ZNF737: variants seen among roughly 807,000 people sequenced by gnomAD.
ZNF737 encodes the protein zinc finger protein 102 (Y3).
A neutral mutation model predicts 11.7 loss-of-function variants in ZNF737; 13 were observed. That is an observed-to-expected ratio of 1.11 (90% CI 0.73 to 1.77). ZNF737 has a LOEUF of 1.77. ZNF737 is among the 40% of genes most tolerant of loss of function. The probability of loss-of-function intolerance (pLI) is 0.00; values close to 1 mark genes in which losing one functional copy is unlikely to be tolerated. For synonymous variants in ZNF737, 217 were observed against 216.2 expected (o/e 1.00, Z -0.03); for missense variants, 636 against 638.0 (o/e 1.00, Z 0.03).
chr19:20,552,429 C>A (rs782652496), intron 3 of ZNF737, 46 bp downstream of exon 3: 2 of 1,397,684 alleles, frequency 1.4e-6, no homozygotes, highest in Non-Finnish European at 1.9e-6. Flanking sequence ...GACTTTGGGA[C>A]CTCTTATCTG....
intron 1 of ZNF737, among the ~76,000 whole-genome samples, chr19:20,557,618 A>ATT (rs34710395): frequency 1.4e-5 from 2 of 144,346 alleles, no homozygotes; most frequent in Admixed American, 6.9e-5. Flanking sequence ...TTCTAGGGTA[A>ATT]TTTTTTTTTT....
In ZNF737 at chr19:20,539,341, C is replaced by T; in HGVS notation, c.*5251G>A. Reference sequence around the variant, plus strand: ...CAATTACTTGGAAACCCTGGGAAGCCCCTATAAAATACTCCCTTTGAATAC... The same window carrying T: ...CAATTACTTGGAAACCCTGGGAAGCTCCTATAAAATACTCCCTTTGAATAC... On this transcript the variant is annotated 3_prime_UTR_variant, in exon 4 of 4. Coordinates refer to ENST00000427401, the MANE Select transcript of ZNF737 (RefSeq NM_001159293.2). 3.0e-6 allele frequency: 3 copies of T among 985,052 alleles called. No individual in the cohort carries two copies. The highest frequency in any genetic ancestry group is 3.6e-6 in the Non-Finnish European group (3 of 829,840). 61.0% of individuals were successfully genotyped at this position (985,052 alleles called of 1,614,324 possible). A position where few individuals can be genotyped will look rare whatever the true frequency, so the allele number is the denominator to read the frequency against.
chr19:20,549,017 T>C (rs954339522), intron 3 of ZNF737, among the ~76,000 whole-genome samples: 4 of 139,750 alleles, frequency 2.9e-5, no homozygotes, highest in African/African-American at 8.2e-5. Context: ...TTTCAAATCA[T>C]AGAAGTGTCT....
rs1968076444 is a variant in ZNF737, at chr19:20,538,736, C to G, written c.*5856G>C. 1 of 985,268 alleles carries G rather than the reference C, an allele frequency of 1.0e-6. No individual in the cohort carries two copies. Among genetic ancestry groups the G allele is most frequent in the Non-Finnish European group, 1.2e-6 (1 of 829,928 alleles). The allele number at this position is 985,268 out of a possible 1,614,324, so 61.0% of individuals were successfully genotyped here. On this transcript the variant is annotated 3_prime_UTR_variant, in exon 4 of 4. Coordinates refer to ENST00000427401, the MANE Select transcript of ZNF737 (RefSeq NM_001159293.2). Reference sequence around the variant, plus strand: ...TGAGTGGAGGCACCACACTGCACATCAATGCTTTCCACATGCACCCAATAG... The same window carrying G: ...TGAGTGGAGGCACCACACTGCACATGAATGCTTTCCACATGCACCCAATAG...
chr19:20,531,268 G>A (rs56137304), downstream of ZNF737, among the ~76,000 whole-genome samples: 5 of 94,668 alleles, frequency 5.3e-5, no homozygotes, highest in African/African-American at 1.6e-4. Flanking sequence ...GAGAGGGGAG[G>A]GGAGAGGGGA....
Position 20,538,693 on chromosome 19 carries a change from G to C in ZNF737, c.*5899C>G, listed in dbSNP as rs1968075537. The C allele has an allele frequency of 1.0e-6, 1 of 985,260 alleles. No homozygotes were observed. The highest frequency in any genetic ancestry group is 1.7e-5 in the African/African-American group (1 of 57,228). The allele number at this position is 985,260 out of a possible 1,614,324, so 61.0% of individuals were successfully genotyped here. On this transcript the variant is annotated 3_prime_UTR_variant, in exon 4 of 4. Coordinates refer to ENST00000427401, the MANE Select transcript of ZNF737 (RefSeq NM_001159293.2). ...CAGGGGGAATTGGTATCTCTGTAAA[G>C]AGACAGTAAGGAAATGCTGAGTGGA...
chr19:20,536,090 G>A (rs184665813), downstream of ZNF737: 12 of 985,054 alleles, frequency 1.2e-5, 1 homozygote, highest in East Asian at 1.4e-3. Flanking sequence ...ATTCAATGTG[G>A]ATACAGATGA....
intron 1 of ZNF737, among the ~76,000 whole-genome samples, chr19:20,562,398 C>A (rs1350630084): frequency 6.7e-6 from 1 of 149,370 alleles, no homozygotes; most frequent in African/African-American, 2.5e-5. Context: ...CTAGAGTGCA[C>A]TGGTGTGATC....
At chr19:20,565,611 C>G in intron 1 of ZNF737, 27 bp downstream of exon 1, 1 of 1,614,188 alleles carries the variant, frequency 6.2e-7, no homozygotes, top group Non-Finnish European at 8.5e-7. Flanking sequence ...ATCCCCCTCT[C>G]TCGGGATGTC....
chr19:20,555,905 T>G (rs562818644), intron 1 of ZNF737, among the ~76,000 whole-genome samples: 2 of 152,072 alleles, frequency 1.3e-5, no homozygotes, highest in East Asian at 3.9e-4. Context: ...TACACCTGAA[T>G]CTTGAGAATA....
chr19:20,557,618 ATTT>A (rs34710395), intron 1 of ZNF737, among the ~76,000 whole-genome samples: 63,683 of 144,276 alleles, frequency 0.44, 15,158 homozygotes, highest in African/African-American at 0.66. Flanking sequence ...TTCTAGGGTA[ATTT>A]TTTTTTTTTT....
intron 3 of ZNF737, among the ~76,000 whole-genome samples, chr19:20,546,316 G>T (rs1438017445): frequency 1.3e-5 from 2 of 152,100 alleles, no homozygotes; most frequent in East Asian, 3.9e-4. Flanking sequence ...TTTCCAGTCG[G>T]ATGCAGTCGC....
chr19:20,539,471 G>A lies in ZNF737; in HGVS notation c.*5121C>T, dbSNP rs1555754647. On this transcript the variant is annotated 3_prime_UTR_variant, in exon 4 of 4. Transcript: ENST00000427401. ...TCATCTGGCCATTTCTGTAAGTACGGCAATTATGCGAAGCCATTGAAAAAA... is the reference window on the plus strand; with the variant it reads ...TCATCTGGCCATTTCTGTAAGTACGACAATTATGCGAAGCCATTGAAAAAA... 3.0e-6 allele frequency: 3 copies of A among 985,182 alleles called. No individual in the cohort carries two copies. Among genetic ancestry groups the A allele is most frequent in the Non-Finnish European group, 3.6e-6 (3 of 829,928 alleles). The allele number at this position is 985,182 out of a possible 1,614,324, so 61.0% of individuals were successfully genotyped here.
In ZNF737 at chr19:20,538,886, A is replaced by T. The variant is rs1968085303; in HGVS notation, c.*5706T>A. 1.0e-6 allele frequency: 1 copy of T among 983,228 alleles called. No homozygotes were observed. The highest frequency in any genetic ancestry group is 1.8e-5 in the African/African-American group (1 of 55,316). 60.9% of individuals were successfully genotyped at this position (983,228 alleles called of 1,614,324 possible). A position where few individuals can be genotyped will look rare whatever the true frequency, so the allele number is the denominator to read the frequency against. On this transcript the variant is annotated 3_prime_UTR_variant, in exon 4 of 4. Transcript: ENST00000427401. ...TTATACATTTGCTTTTTTGAAAAAC[A>T]AATCTTTTGTTAATTCACTCTAAAT...
chr19:20,531,824 AT>A (rs1967836010), downstream of ZNF737, among the ~76,000 whole-genome samples: 3 of 150,226 alleles, frequency 2.0e-5, no homozygotes, highest in South Asian at 6.5e-4. Flanking sequence ...ACATCTAGAT[AT>A]AAATATACAT....
In ZNF737 at chr19:20,539,665, T is replaced by C; in HGVS notation, c.*4927A>G. ...TACAGTATAGTAGAATCCTCTATAA[T>C]TAGAAGTTAATTATTTATAAATTCA... is the stretch of plus-strand genomic sequence containing the variant. On this transcript the variant is annotated 3_prime_UTR_variant, in exon 4 of 4. Transcript: ENST00000427401. The C allele has an allele frequency of 1.1e-6, 1 of 935,302 alleles. No individual in the cohort carries two copies. The highest frequency in any genetic ancestry group is 1.3e-6 in the Non-Finnish European group (1 of 784,392). The allele number at this position is 935,302 out of a possible 1,614,324, so 57.9% of individuals were successfully genotyped here. A position where few individuals can be genotyped will look rare whatever the true frequency, so the allele number is the denominator to read the frequency against.
Position 20,542,133 on chromosome 19 carries a change from G to T in ZNF737, c.*2459C>A. The T allele has an allele frequency of 4.1e-6, 4 of 985,214 alleles. No individual in the cohort carries two copies. In the South Asian group the frequency reaches 1.4e-4, roughly 35 times the overall value. 61.0% of individuals were successfully genotyped at this position (985,214 alleles called of 1,614,324 possible). A position where few individuals can be genotyped will look rare whatever the true frequency, so the allele number is the denominator to read the frequency against. On this transcript the variant is annotated 3_prime_UTR_variant, in exon 4 of 4. Transcript: ENST00000427401. ...TATTGTACCTACACCCTTGAGTAAA[G>T]TGGGATACAGTTAGTGGCACAATAA...
chr19:20,543,532 C>A lies in ZNF737; in HGVS notation c.*1060G>T. The A allele has an allele frequency of 1.0e-6, 1 of 985,236 alleles. No individual in the cohort carries two copies. Among genetic ancestry groups the A allele is most frequent in the Non-Finnish European group, 1.2e-6 (1 of 829,810 alleles). The allele number at this position is 985,236 out of a possible 1,614,324, so 61.0% of individuals were successfully genotyped here. A position where few individuals can be genotyped will look rare whatever the true frequency, so the allele number is the denominator to read the frequency against. On this transcript the variant is annotated 3_prime_UTR_variant, in exon 4 of 4. Transcript: ENST00000427401. The stretch of plus-strand genomic sequence containing the variant: ...AATTAATAGGTTTTCCATATTCCTT[C>A]TATTTGTACAATTTTTCTCAAGGAT...
At chr19:20,553,599 G>C (rs1169480694) in intron 2 of ZNF737, 110 bp downstream of exon 2, 5 of 1,146,868 alleles carry the variant, frequency 4.4e-6, no homozygotes, top group African/African-American at 3.2e-5. Flanking sequence ...TCTTGAAAAA[G>C]TGGATCTGAA....
Sources: allele counts gnomAD v4.1 joint callset (sites outside exome capture counted in the v4.1 genomes callset), GRCh38; gene constraint gnomAD v4.1.1; transcripts MANE v1.5; gene names NCBI Gene and HGNC (gene_info 2026-07-23, HGNC 2026-07-21).